SPIDR: variants seen among roughly 807,000 people sequenced by gnomAD.
SPIDR encodes the protein scaffold protein involved in DNA repair.
SPIDR carries 93 observed loss-of-function variants against 104.6 expected under a neutral mutation model. That is an observed-to-expected ratio of 0.89 (90% CI 0.75 to 1.06). The LOEUF is 1.06. Among genes scored for constraint, SPIDR ranks in the 50% least tolerant of loss-of-function variants. The pLI is 0.00. For missense variants in SPIDR, 1,154 were observed against 1,111.2 expected (o/e 1.04, Z -0.55); for synonymous variants, 431 against 416.9 (o/e 1.03, Z -0.41).
intron 8 of SPIDR, among the ~76,000 whole-genome samples, chr8:47,479,233 C>T (rs1369160639): frequency 7.2e-5 from 11 of 151,784 alleles, no homozygotes; most frequent in Non-Finnish European, 1.0e-4. Context: ...GTGGTGGGCG[C>T]CTGTAATCCC....
chr8:47,537,245 A>G (rs2087076590), intron 8 of SPIDR, among the ~76,000 whole-genome samples: 1 of 152,266 alleles, frequency 6.6e-6, no homozygotes, highest in African/African-American at 2.4e-5. Context: ...AAGCATGCCT[A>G]TACAAACATG....
intron 5 of SPIDR, among the ~76,000 whole-genome samples, chr8:47,307,028 T>C (rs2043203286): frequency 6.6e-6 from 1 of 152,204 alleles, no homozygotes; most frequent in Non-Finnish European, 1.5e-5. Flanking sequence ...TCCTCCATTC[T>C]GTCAATCTCT....
chr8:47,637,885 C>T (rs1236362184), intron 10 of SPIDR, among the ~76,000 whole-genome samples: 1 of 152,134 alleles, frequency 6.6e-6, no homozygotes, highest in African/African-American at 2.4e-5. Flanking sequence ...CTCCAATCCC[C>T]TTGTTTGATG....
intron 5 of SPIDR, among the ~76,000 whole-genome samples, chr8:47,337,212 C>T (rs1393411953): frequency 2.6e-5 from 4 of 152,088 alleles, no homozygotes; most frequent in Admixed American, 2.0e-4. Flanking sequence ...ACGACAGCCT[C>T]GACCTCCTGG....
chr8:47,629,115 T>C (rs2066654276), intron 10 of SPIDR, among the ~76,000 whole-genome samples: 1 of 152,164 alleles, frequency 6.6e-6, no homozygotes, highest in African/African-American at 2.4e-5. Context: ...AGGAAAAGTT[T>C]CGTTTGATTC....
chr8:47,676,321 A>G (rs1253358736), intron 11 of SPIDR, among the ~76,000 whole-genome samples: 1 of 152,182 alleles, frequency 6.6e-6, no homozygotes, highest in Non-Finnish European at 1.5e-5. Flanking sequence ...ATGCTTTTTT[A>G]GGTTGAGATT....
At chr8:47,315,243 G>A (rs180923438) in intron 5 of SPIDR, among the ~76,000 whole-genome samples, 54 of 151,824 alleles carry the variant, frequency 3.6e-4, no homozygotes, top group African/African-American at 6.5e-4. Context: ...GAATATCATG[G>A]GCAACTAAAA....
chr8:47,292,226 C>T (rs950644987), intron 4 of SPIDR, among the ~76,000 whole-genome samples: 28 of 152,194 alleles, frequency 1.8e-4, no homozygotes, highest in African/African-American at 3.4e-4. Flanking sequence ...TAACTCTTGA[C>T]GGTTCATGTT....
chr8:47,567,360 C>G (rs1359990487), intron 8 of SPIDR, among the ~76,000 whole-genome samples: 1 of 151,712 alleles, frequency 6.6e-6, no homozygotes, highest in African/African-American at 2.4e-5. Flanking sequence ...GCTGGGATTA[C>G]AGCCATGCGC....
intron 11 of SPIDR, among the ~76,000 whole-genome samples, chr8:47,686,918 C>T (rs2077901778): frequency 6.6e-6 from 1 of 150,660 alleles, no homozygotes; most frequent in Non-Finnish European, 1.5e-5. Context: ...ATTACACTGC[C>T]TGCTTTTGGT....
chr8:47,728,652 T>C, intron 17 of SPIDR: 1 of 304,720 alleles, frequency 3.3e-6, no homozygotes, highest in Non-Finnish European at 6.1e-6. Context: ...ACCCCTGGCC[T>C]CCCAGGCCCT....
intron 10 of SPIDR, among the ~76,000 whole-genome samples, chr8:47,600,431 G>A (rs918855085): frequency 1.3e-5 from 2 of 152,104 alleles, no homozygotes; most frequent in Non-Finnish European, 2.9e-5. Flanking sequence ...CCTATACTCC[G>A]GTGTGAATTA....
Position 47,712,822 on chromosome 8 carries a change from C to T in SPIDR, c.2138C>T (p.Ala713Val), listed in dbSNP as rs767705395. 1.2e-6 allele frequency: 2 copies of T among 1,614,116 alleles called. No homozygotes were observed. The highest frequency in any genetic ancestry group is 1.7e-6 in the Non-Finnish European group (2 of 1,180,030). ...GGCTCTGAAGTCCTGGAGGCACTCG[C>T]TGGGGCTGCCCCTCACAGCCTCTTC... The part of the protein sequence containing the change: ...VLGSEVLEAL[A>V]GAAPHSLFFK... The change falls in exon 15 of 20, where the codon GCT (alanine) becomes GTT (valine). Residue 713 changes from alanine (A) to valine (V), a missense_variant. Ala to Val is a moderately conservative substitution (Grantham distance 64). Transcript: ENST00000297423.
At chr8:47,522,065 G>A (rs1403698291) in intron 8 of SPIDR, among the ~76,000 whole-genome samples, 1 of 151,786 alleles carries the variant, frequency 6.6e-6, no homozygotes. Context: ...TGGGAAGGCT[G>A]AGGCAGGAGA....
intron 5 of SPIDR, among the ~76,000 whole-genome samples, chr8:47,311,397 C>T (rs1461700000): frequency 6.6e-6 from 1 of 152,114 alleles, no homozygotes; most frequent in African/African-American, 2.4e-5. Context: ...GAAATTATGG[C>T]TGGAAATTTC....
At chr8:47,429,002 T>G (rs969713530) in intron 7 of SPIDR, among the ~76,000 whole-genome samples, 4 of 152,212 alleles carry the variant, frequency 2.6e-5, no homozygotes, top group Admixed American at 6.5e-5. Flanking sequence ...TTTAGTATTG[T>G]TCTTTGTAGT....
intron 5 of SPIDR, among the ~76,000 whole-genome samples, chr8:47,337,946 A>G (rs1417509196): frequency 5.3e-5 from 8 of 152,336 alleles, no homozygotes; most frequent in South Asian, 2.1e-4. Context: ...CTATATGTCT[A>G]TCCTCATGTC....
At chr8:47,327,839 A>G (rs992961125) in intron 5 of SPIDR, among the ~76,000 whole-genome samples, 2 of 152,020 alleles carry the variant, frequency 1.3e-5, no homozygotes. Context: ...CTGGGATTAT[A>G]GGCATAAGCC....
intron 2 of SPIDR, 59 bp downstream of exon 2, chr8:47,280,076 G>T: frequency 1.3e-6 from 2 of 1,532,186 alleles, no homozygotes; most frequent in Non-Finnish European, 1.8e-6. Context: ...TGAGTGTTCA[G>T]AACATTGTAA....
Sources: allele counts gnomAD v4.1 joint callset (sites outside exome capture counted in the v4.1 genomes callset), GRCh38; gene constraint gnomAD v4.1.1; transcripts MANE v1.5; gene names NCBI Gene and HGNC (gene_info 2026-07-23, HGNC 2026-07-21).